The following PIEZO2 variants were observed in gnomAD, a reference collection of about 807,000 sequenced individuals.
The protein encoded by PIEZO2 is piezo-type mechanosensitive ion channel component 2.
In PIEZO2, 172 loss-of-function variants were observed where a neutral mutation model predicts 337.3. That is an observed-to-expected ratio of 0.51 (90% CI 0.45 to 0.58). The LOEUF (loss-of-function observed/expected upper bound fraction) is 0.58, where lower values mean the gene tolerates loss of function less well. Among genes scored for constraint, PIEZO2 ranks in the 20% least tolerant of loss-of-function variants. The pLI is 0.00. For missense variants in PIEZO2, 3,028 were observed against 3,391.3 expected (o/e 0.89, Z 2.66); for synonymous variants, 1,251 against 1,228.5 (o/e 1.02, Z -0.38).
rs7229275 is a variant in PIEZO2 at position 11,031,138 on chromosome 18, T to C, written c.160+34989A>G. ...TCGAGTTTCTGGGACTACAGGCGCC[T>C]GCCACCATGCCTGGCTAATTTTTTT... On this transcript the variant is annotated intron_variant, in intron 2 of 55. Transcript: ENST00000674853. The surrounding 1 kb of genome is among the most constrained non-coding windows in gnomAD (Gnocchi z 4.7). Among the ~76,000 whole-genome samples the C allele has an allele frequency of 0.41, 61,308 of 151,030 alleles. 12,798 individuals carry two copies. The highest frequency in any genetic ancestry group is 0.56 in the East Asian group (2,852 of 5,136).
At chr18:10,963,198 T>C (rs264197) in intron 3 of PIEZO2, among the ~76,000 whole-genome samples, 75,103 of 151,700 alleles carry the variant, frequency 0.5, 18,767 homozygotes, top group Non-Finnish European at 0.51. Flanking sequence ...GGCAGGAGAA[T>C]CTCTTGGACC....
intron 7 of PIEZO2, among the ~76,000 whole-genome samples, chr18:10,849,157 T>C: frequency 6.6e-6 from 1 of 151,916 alleles, no homozygotes; most frequent in East Asian, 1.9e-4. Flanking sequence ...GGTCTACAGG[T>C]GTGTGGCACC....
At chr18:10,879,420 G>T (rs2042354001) in intron 4 of PIEZO2, among the ~76,000 whole-genome samples, 1 of 137,898 alleles carries the variant, frequency 7.3e-6, no homozygotes, top group Non-Finnish European at 1.5e-5. Flanking sequence ...TTTTGAGACG[G>T]AGTCTTGCGC....
At chr18:10,924,541 G>A (rs1184661232) in intron 3 of PIEZO2, among the ~76,000 whole-genome samples, 1 of 152,090 alleles carries the variant, frequency 6.6e-6, no homozygotes, top group East Asian at 1.9e-4. Context: ...CCTATGTTGC[G>A]GCCCCACACG....
In PIEZO2 at chr18:10,854,447, C is replaced by T. The variant is rs1463695559; in HGVS notation, c.917+906G>A. Among the ~76,000 whole-genome samples, 1 of 152,136 alleles carries T rather than the reference C, an allele frequency of 6.6e-6. No homozygotes were observed. The highest frequency in any genetic ancestry group is 1.5e-5 in the Non-Finnish European group (1 of 68,028). On this transcript the variant is annotated intron_variant, in intron 7 of 55. Coordinates refer to ENST00000674853, the MANE Select transcript of PIEZO2 (RefSeq NM_001378183.1). This position sits in a 1 kb window ranked among gnomAD's most constrained non-coding sequence, Gnocchi z 4.6. ...CAGGTGTGGACATAATAGAACATAT[C>T]ATTAAGGATTGATGAATAGTAATTC... is the stretch of plus-strand genomic sequence containing the variant.
Position 10,795,340 on chromosome 18 carries a change from T to C in PIEZO2, c.1528-338A>G, listed in dbSNP as rs1301010263. ...TATTTTATTTTATTTTATTTTATTT[T>C]ATTTTATTTTATTATTTTATTTTAT... On this transcript the variant is annotated intron_variant, in intron 12 of 55. Transcript: ENST00000674853. The surrounding 1 kb of genome is among the most constrained non-coding windows in gnomAD (Gnocchi z 4.4). 0.058 allele frequency among the ~76,000 whole-genome samples: 1,426 copies of C among 24,410 alleles called. 45 individuals carry two copies. The highest frequency in any genetic ancestry group is 0.14 in the African/African-American group (1,324 of 9,696). The allele number at this position is 24,410 out of a possible 152,430, so 16.0% of individuals were successfully genotyped here.
chr18:11,013,005 C>T (rs1320103422), intron 2 of PIEZO2, among the ~76,000 whole-genome samples: 1 of 152,072 alleles, frequency 6.6e-6, no homozygotes, highest in African/African-American at 2.4e-5. Flanking sequence ...GACTGCACTA[C>T]CACACTCCAC....
chr18:11,055,328 C>A (rs923968456), intron 2 of PIEZO2, among the ~76,000 whole-genome samples: 1 of 151,560 alleles, frequency 6.6e-6, no homozygotes, highest in African/African-American at 2.4e-5. Flanking sequence ...GCAGGGTGTG[C>A]AACTCCAGCT....
At position 10,746,306 on chromosome 18, in the gene PIEZO2, C is replaced by T. The variant is rs1409440434; in HGVS notation, c.4425-2075G>A. On this transcript the variant is annotated intron_variant, in intron 30 of 55. Coordinates refer to ENST00000674853, the MANE Select transcript of PIEZO2 (RefSeq NM_001378183.1). The surrounding 1 kb of genome is among the most constrained non-coding windows in gnomAD (Gnocchi z 4.2). ...TAGCCCCCTGAGGACCTGGCCTCTC[C>T]TGGCCTGGAGCTTATCACTCACCAC... Among the ~76,000 whole-genome samples, 3 of 152,226 alleles carry T rather than the reference C, an allele frequency of 2.0e-5. No individual in the cohort carries two copies. Among genetic ancestry groups the T allele is most frequent in the Admixed American group, 6.5e-5 (1 of 15,286 alleles).
chr18:10,782,687 G>GC (rs2039073236), intron 17 of PIEZO2, among the ~76,000 whole-genome samples: 1 of 151,084 alleles, frequency 6.6e-6, no homozygotes, highest in South Asian at 2.1e-4. Flanking sequence ...TGCAAGGAAG[G>GC]CAAGTCAGGA....
At chr18:10,734,633 C>T (rs2036925751) in intron 35 of PIEZO2, among the ~76,000 whole-genome samples, 1 of 152,190 alleles carries the variant, frequency 6.6e-6, no homozygotes, top group South Asian at 2.1e-4. Context: ...AGCTGAATAA[C>T]TTCAACTGTG....
chr18:10,826,225 G>C (rs141364359), intron 7 of PIEZO2, among the ~76,000 whole-genome samples: 1 of 152,082 alleles, frequency 6.6e-6, no homozygotes. Flanking sequence ...TTGCTTCTAG[G>C]CCCTCTCACC....
chr18:11,135,071 C>G (rs2040445278), intron 1 of PIEZO2, among the ~76,000 whole-genome samples: 1 of 151,402 alleles, frequency 6.6e-6, no homozygotes, highest in African/African-American at 2.4e-5. Context: ...TCTTATGTTT[C>G]TATTAAGAGA....
At chr18:10,986,296 AG>A (rs1414884335) in intron 2 of PIEZO2, among the ~76,000 whole-genome samples, 3 of 152,028 alleles carry the variant, frequency 2.0e-5, no homozygotes, top group African/African-American at 7.2e-5. Flanking sequence ...AGAAAATTAC[AG>A]GCCAATATCC....
At chr18:10,849,446 T>C (rs1467789308) in intron 7 of PIEZO2, among the ~76,000 whole-genome samples, 2 of 152,176 alleles carry the variant, frequency 1.3e-5, no homozygotes, top group Non-Finnish European at 1.5e-5. Flanking sequence ...CACGTACAGG[T>C]GTGTTTTAAA....
rs1340525421 is a variant in PIEZO2, at chr18:11,104,019, A to G, written c.65-37797T>C. ...TGGTCATATTTTTAATTCACTTTCAAAACACGTGGATCACTGAAAGTTACT... is the reference window on the plus strand; with the variant it reads ...TGGTCATATTTTTAATTCACTTTCAGAACACGTGGATCACTGAAAGTTACT... On this transcript the variant is annotated intron_variant, in intron 1 of 55. Coordinates refer to ENST00000674853, the MANE Select transcript of PIEZO2 (RefSeq NM_001378183.1). The surrounding 1 kb of genome is among the most constrained non-coding windows in gnomAD (Gnocchi z 4.6). Among the ~76,000 whole-genome samples, 1 of 152,160 alleles carries G rather than the reference A, an allele frequency of 6.6e-6. No homozygotes were observed. Among genetic ancestry groups the G allele is most frequent in the East Asian group, 1.9e-4 (1 of 5,184 alleles).
At chr18:10,970,941 T>C (rs2034211564) in intron 3 of PIEZO2, among the ~76,000 whole-genome samples, 1 of 152,208 alleles carries the variant, frequency 6.6e-6, no homozygotes. Flanking sequence ...CAGATCTATG[T>C]TTCAGGTCAG....
intron 37 of PIEZO2, 95 bp from the exon 38 acceptor site, chr18:10,715,911 G>A (rs2035993802): frequency 9.6e-7 from 1 of 1,042,648 alleles, no homozygotes; most frequent in African/African-American, 1.6e-5. Context: ...AGCTGGACCT[G>A]GCTCTTGGCC....
intron 4 of PIEZO2, among the ~76,000 whole-genome samples, chr18:10,873,366 C>A (rs2042185712): frequency 6.6e-6 from 1 of 152,160 alleles, no homozygotes; most frequent in African/African-American, 2.4e-5. Flanking sequence ...TCCCAAAAGC[C>A]ACATAGAGAA....
Sources: allele counts gnomAD v4.1 joint callset (sites outside exome capture counted in the v4.1 genomes callset), GRCh38; gene constraint gnomAD v4.1.1; non-coding constraint Gnocchi (gnomAD v3.1); transcripts MANE v1.5; gene names NCBI Gene and HGNC (gene_info 2026-07-23, HGNC 2026-07-21).